The following SNTG1 variants were observed in gnomAD, a reference collection of about 807,000 sequenced individuals.
The protein encoded by SNTG1 is gamma-1-syntrophin.
A neutral mutation model predicts 74.7 loss-of-function variants in SNTG1; 39 were observed. That is an observed-to-expected ratio of 0.52 (90% CI 0.40 to 0.68). SNTG1 has a LOEUF of 0.68. Ranked by LOEUF, SNTG1 falls within the 30% of genes least tolerant of loss-of-function variation. The probability of loss-of-function intolerance (pLI) is 0.00; values close to 1 mark genes in which losing one functional copy is unlikely to be tolerated. For synonymous variants in SNTG1, 254 were observed against 217.1 expected (o/e 1.17, Z -1.49); for missense variants, 685 against 609.5 (o/e 1.12, Z -1.30).
At position 50,045,970 on chromosome 8, in the gene SNTG1, G is replaced by C. The variant is rs112138437; in HGVS notation, c.-102-126591G>C. ...AAATTTTTCTTTAAATGGCCAAAGA[G>C]TAGAGTTCAGGCTTTGAAGAGCCAC... On this transcript the variant is annotated intron_variant, in intron 1 of 18. Coordinates refer to ENST00000642720, the MANE Select transcript of SNTG1 (RefSeq NM_018967.5). Among the ~76,000 whole-genome samples the C allele has an allele frequency of 1.1e-4, 17 of 152,296 alleles. 1 individual carries two copies. Among genetic ancestry groups the C allele is most frequent in the East Asian group, 9.7e-4 (5 of 5,164 alleles).
At chr8:50,739,686 AT>A (rs2095538225) in intron 17 of SNTG1, among the ~76,000 whole-genome samples, 3 of 152,048 alleles carry the variant, frequency 2.0e-5, no homozygotes, top group African/African-American at 4.8e-5. Flanking sequence ...TAATAAAAAA[AT>A]AAAATAAATA....
At chr8:50,658,126 A>G (rs1013457195) in intron 14 of SNTG1, among the ~76,000 whole-genome samples, 2 of 152,174 alleles carry the variant, frequency 1.3e-5, no homozygotes, top group Non-Finnish European at 2.9e-5. Context: ...TAAGTAAGTG[A>G]AATAACTGCA....
At chr8:50,171,263 T>C (rs995495387) in intron 1 of SNTG1, among the ~76,000 whole-genome samples, 16 of 152,102 alleles carry the variant, frequency 1.1e-4, no homozygotes, top group African/African-American at 3.9e-4. Flanking sequence ...TGGGAGTTTA[T>C]TAAGTATTAT....
At chr8:49,951,873 C>CAAAAAAAAAAAAAAAAAAAAAAAAA (rs5891338) in intron 1 of SNTG1, among the ~76,000 whole-genome samples, 10 of 56,270 alleles carry the variant, frequency 1.8e-4, no homozygotes, top group East Asian at 6.5e-4. Flanking sequence ...GGAAAATTCA[C>CAAAAAAAAAAAAAAAAAAAAAAAAA]AAAAAAAAAA....
intron 2 of SNTG1, among the ~76,000 whole-genome samples, chr8:50,371,894 T>G (rs945415493): frequency 6.6e-6 from 1 of 152,184 alleles, no homozygotes; most frequent in Non-Finnish European, 1.5e-5. Flanking sequence ...TATCTTTTCC[T>G]ATTTTTTTAC....
intron 2 of SNTG1, among the ~76,000 whole-genome samples, chr8:50,381,693 C>A (rs2092486222): frequency 9.0e-6 from 1 of 111,188 alleles, no homozygotes; most frequent in Non-Finnish European, 1.8e-5. Context: ...ATATATATAT[C>A]CTATTAGTTA....
At chr8:50,284,292 AGATTTTTCTTATGAAT>A (rs1423595580) in intron 2 of SNTG1, among the ~76,000 whole-genome samples, 59 of 150,618 alleles carry the variant, frequency 3.9e-4, no homozygotes, top group African/African-American at 1.3e-3. Flanking sequence ...TTGAGATTAT[AGATTTTTCTTATGAAT>A]AGATTGAGAT....
chr8:50,649,161 G>A (rs915841468), intron 13 of SNTG1, among the ~76,000 whole-genome samples: 6 of 152,124 alleles, frequency 3.9e-5, no homozygotes, highest in Non-Finnish European at 7.3e-5. Context: ...TCGGCACATA[G>A]TTGGGACTAC....
chr8:50,102,272 C>G (rs1337641825), intron 1 of SNTG1, among the ~76,000 whole-genome samples: 2 of 151,152 alleles, frequency 1.3e-5, no homozygotes, highest in African/African-American at 2.4e-5. Context: ...GAGATGATAT[C>G]TCATTGTGGT....
rs1442780959 is a variant in SNTG1, at chr8:50,009,999, A to C, written c.-103+97768A>C. ...TGACAGAGTGAGACTCTGTCTAAAA[A>C]AACCCAATTATTTATTTCTTGATTC... On this transcript the variant is annotated intron_variant, in intron 1 of 18. Transcript: ENST00000642720. Among the ~76,000 whole-genome samples the C allele has an allele frequency of 2.6e-5, 4 of 152,326 alleles. No homozygotes were observed. In the East Asian group the frequency reaches 5.8e-4, roughly 22 times the overall value.
intron 1 of SNTG1, among the ~76,000 whole-genome samples, chr8:50,147,068 A>G (rs147241439): frequency 1.3e-5 from 2 of 152,152 alleles, no homozygotes; most frequent in Non-Finnish European, 2.9e-5. Flanking sequence ...TTGATGTTGT[A>G]TTTAAAACCA....
chr8:50,576,753 TC>T (rs1392024395), intron 12 of SNTG1, among the ~76,000 whole-genome samples: 10 of 152,100 alleles, frequency 6.6e-5, no homozygotes, highest in Admixed American at 2.6e-4. Context: ...AGTTTTCTTT[TC>T]AGATTGTTCA....
intron 1 of SNTG1, among the ~76,000 whole-genome samples, chr8:49,962,854 A>G (rs779581648): frequency 2.5e-4 from 38 of 152,146 alleles, no homozygotes; most frequent in Non-Finnish European, 4.9e-4. Context: ...TTGGCATCCC[A>G]AGTTCTGGGA....
intron 2 of SNTG1, among the ~76,000 whole-genome samples, chr8:50,232,790 A>G (rs890346041): frequency 8.6e-5 from 13 of 151,612 alleles, no homozygotes; most frequent in African/African-American, 2.7e-4. Flanking sequence ...ATATACTAGC[A>G]ATACATTGAA....
intron 2 of SNTG1, among the ~76,000 whole-genome samples, chr8:50,327,050 G>A (rs927848218): frequency 6.6e-6 from 1 of 152,102 alleles, no homozygotes; most frequent in East Asian, 1.9e-4. Flanking sequence ...TGTAGTGTGA[G>A]AGCATATATT....
chr8:50,043,081 T>C (rs1818781199), intron 1 of SNTG1, among the ~76,000 whole-genome samples: 1 of 152,224 alleles, frequency 6.6e-6, no homozygotes, highest in Non-Finnish European at 1.5e-5. Context: ...CCCTCTGTTA[T>C]TTTCCTTCTA....
intron 8 of SNTG1, among the ~76,000 whole-genome samples, chr8:50,502,021 A>T (rs1352717700): frequency 6.6e-6 from 1 of 152,070 alleles, no homozygotes; most frequent in Non-Finnish European, 1.5e-5. Flanking sequence ...TAAAATTTGC[A>T]CATGGCTTAT....
chr8:50,023,748 A>G lies in SNTG1; in HGVS notation c.-103+111517A>G, dbSNP rs72639845. ...AGCAAATGCAGTTTCCCTTTTTTCC[A>G]ATATATTTAGTAAGTCAATCTTCAC... is the stretch of plus-strand genomic sequence containing the variant. On this transcript the variant is annotated intron_variant, in intron 1 of 18. Transcript: ENST00000642720. Among the ~76,000 whole-genome samples the G allele has an allele frequency of 4.4e-3, 665 of 152,296 alleles. 2 individuals are homozygous for G. Among genetic ancestry groups the G allele is most frequent in the Middle Eastern group, 0.01 (3 of 294 alleles).
At chr8:50,085,211 A>T (rs936465051) in intron 1 of SNTG1, among the ~76,000 whole-genome samples, 5 of 152,162 alleles carry the variant, frequency 3.3e-5, no homozygotes, top group Non-Finnish European at 7.3e-5. Flanking sequence ...ATATAGAGAA[A>T]ATGTGTGCAA....
Sources: gnomAD v4.1 joint callset for allele counts (sites outside exome capture counted in the v4.1 genomes callset) on GRCh38, gnomAD v4.1.1 for gene constraint, MANE v1.5 for transcripts, NCBI Gene and HGNC (gene_info 2026-07-23, HGNC 2026-07-21) for gene names.